FASTKD2: variants seen among roughly 807,000 people sequenced by gnomAD.
The protein encoded by FASTKD2 is FAST kinase domains 2, also known as FAST kinase domain-containing protein 2, mitochondrial.
A neutral mutation model predicts 63.6 loss-of-function variants in FASTKD2; 51 were observed. The observed-to-expected ratio is 0.80, with a 90% CI of 0.64 to 1.01. The LOEUF (loss-of-function observed/expected upper bound fraction) is 1.01, where lower values mean the gene tolerates loss of function less well. Ranked by LOEUF, FASTKD2 falls within the 50% of genes least tolerant of loss-of-function variation. FASTKD2 has a pLI of 0.00. For missense variants in FASTKD2, 786 were observed against 831.1 expected (o/e 0.95, Z 0.67); for synonymous variants, 284 against 293.4 (o/e 0.97, Z 0.33).
intron 7 of FASTKD2, among the ~76,000 whole-genome samples, chr2:206,777,103 G>A (rs531009165): frequency 3.2e-4 from 48 of 152,130 alleles, no homozygotes; most frequent in Admixed American, 7.9e-4. Context: ...TTTGTTATAA[G>A]TGTATAGGAA....
intron 7 of FASTKD2, among the ~76,000 whole-genome samples, chr2:206,781,827 C>CT (rs1491055679): frequency 2.6e-5 from 4 of 152,018 alleles, no homozygotes; most frequent in Non-Finnish European, 5.9e-5. Context: ...CCACTGACCC[C>CT]TTTTTTTCCT....
chr2:206,781,932 G>T (rs1044379817), intron 7 of FASTKD2, among the ~76,000 whole-genome samples: 2 of 152,072 alleles, frequency 1.3e-5, no homozygotes, highest in African/African-American at 2.4e-5. Context: ...CTCACCAAAA[G>T]GCTAGGATGT....
chr2:206,791,565 C>T (rs1690286399), intron 11 of FASTKD2, 118 bp from the exon 12 acceptor site: 2 of 879,538 alleles, frequency 2.3e-6, no homozygotes, highest in South Asian at 2.7e-5. Context: ...GTTATAAGGT[C>T]ACATTTGCTT....
rs148396867 is a variant in FASTKD2 at position 206,780,492 on chromosome 2, G to A, written c.1427+6095G>A. Among the ~76,000 whole-genome samples, 371 of 152,318 alleles carry A rather than the reference G, an allele frequency of 2.4e-3. 4 individuals carry two copies. Among genetic ancestry groups the A allele is most frequent in the African/African-American group, 8.4e-3 (351 of 41,576 alleles). On this transcript the variant is annotated intron_variant, in intron 7 of 11. Coordinates refer to ENST00000402774, the MANE Select transcript of FASTKD2 (RefSeq NM_001136193.2). ...GTCTGATGGGGGCTCCCTTGTACAT[G>A]AAAAGTTGCTTTTCATCCTTGTGGG...
In FASTKD2 at chr2:206,796,054, C is replaced by G. The variant is rs1260358288; in HGVS notation, c.*4252C>G. On this transcript the variant is annotated 3_prime_UTR_variant, in exon 12 of 12. Transcript: ENST00000402774. Reference sequence around the variant, plus strand: ...GCTTCTGTGCATGGCCAGAAACTAACAAAAGCACATTGTGTCTAAACTAGG... The same window carrying G: ...GCTTCTGTGCATGGCCAGAAACTAAGAAAAGCACATTGTGTCTAAACTAGG... Among the ~76,000 whole-genome samples the G allele has an allele frequency of 6.6e-6, 1 of 152,162 alleles. No homozygotes were observed. The highest frequency in any genetic ancestry group is 1.5e-5 in the Non-Finnish European group (1 of 68,036).
chr2:206,789,624 AC>A (rs1690230445), intron 10 of FASTKD2: 1 of 152,280 alleles, frequency 6.6e-6, no homozygotes, highest in South Asian at 2.1e-4. Flanking sequence ...ATAGAAACAT[AC>A]AAAAAAATCT....
chr2:206,769,794 T>C (rs1309333949), intron 2 of FASTKD2, among the ~76,000 whole-genome samples: 1 of 152,262 alleles, frequency 6.6e-6, no homozygotes. Flanking sequence ...AAATAATGTT[T>C]AATAAAAGTT....
intron 6 of FASTKD2, among the ~76,000 whole-genome samples, chr2:206,773,862 T>G (rs1432389935): frequency 1.3e-5 from 2 of 152,164 alleles, no homozygotes. Flanking sequence ...AGTTCAAGAT[T>G]GAGTTGGTCA....
At chr2:206,790,828 C>T (rs1690265907) in intron 11 of FASTKD2, 142 bp downstream of exon 11, 1 of 683,148 alleles carries the variant, frequency 1.5e-6, no homozygotes, top group Non-Finnish European at 2.7e-6. Flanking sequence ...TTACTGTTTT[C>T]TTTGAAAAAG....
At chr2:206,788,798 A>G (rs1192881165) in intron 9 of FASTKD2, 21 bp from the exon 10 acceptor site, 1 of 1,233,678 alleles carries the variant, frequency 8.1e-7, no homozygotes, top group East Asian at 2.3e-5. Context: ...TGAAAAATTA[A>G]TATCAATTCT....
At position 206,791,741 on chromosome 2, in the gene FASTKD2, CTA is replaced by C. The variant is rs772589047; in HGVS notation, c.2073_2074del (p.Lys692AsnfsTer21). ...GAAGATGCAGTCACATTTTTGAAGACTAAAATCTATTCAGTAGAAGCTCTTCC... is the reference window on the plus strand; with the variant it reads ...GAAGATGCAGTCACATTTTTGAAGACAAATCTATTCAGTAGAAGCTCTTCC... On this transcript the variant is annotated frameshift_variant, in exon 12 of 12. Transcript: ENST00000402774. LOFTEE classifies it low-confidence loss of function (END_TRUNC). 7.4e-6 allele frequency: 12 copies of C among 1,612,356 alleles called. No individual in the cohort carries two copies. Among genetic ancestry groups the C allele is most frequent in the East Asian group, 4.5e-5 (2 of 44,806 alleles).
chr2:206,773,406 T>G (rs757140740), intron 6 of FASTKD2, among the ~76,000 whole-genome samples: 4 of 152,142 alleles, frequency 2.6e-5, no homozygotes, highest in Non-Finnish European at 5.9e-5. Context: ...TTGTTAGATT[T>G]CAAATAATAA....
intron 2 of FASTKD2, among the ~76,000 whole-genome samples, chr2:206,767,805 G>C (rs1483439132): frequency 1.3e-5 from 2 of 152,210 alleles, no homozygotes; most frequent in Non-Finnish European, 2.9e-5. Flanking sequence ...AGAGAATTTA[G>C]TCCATGGTAG....
chr2:206,772,013 C>G lies in FASTKD2; in HGVS notation c.1110C>G (p.Val370=). 1.2e-6 allele frequency: 2 copies of G among 1,613,620 alleles called. No homozygotes were observed. Among genetic ancestry groups the G allele is most frequent in the Non-Finnish European group, 1.7e-6 (2 of 1,179,664 alleles). Residue 370 remains valine, a synonymous_variant, in exon 5 of 12, where the codon GTC becomes GTG. Coordinates refer to ENST00000402774, the MANE Select transcript of FASTKD2 (RefSeq NM_001136193.2). ...LILLDECSKV[V]LDNIHGCPLR... Reference sequence around the variant, plus strand: ...TCCTGGATGAATGCAGTAAGGTGGTCCTAGGTAAGAGGAATTTTTCTTTCA... The same window carrying G: ...TCCTGGATGAATGCAGTAAGGTGGTGCTAGGTAAGAGGAATTTTTCTTTCA...
chr2:206,787,623 C>T (rs1690169766), intron 8 of FASTKD2, among the ~76,000 whole-genome samples: 1 of 152,126 alleles, frequency 6.6e-6, no homozygotes. Flanking sequence ...CTAGTTCCAA[C>T]TTTGCCTTAA....
chr2:206,773,182 A>C (rs1689733471), intron 6 of FASTKD2, among the ~76,000 whole-genome samples: 1 of 151,930 alleles, frequency 6.6e-6, no homozygotes, highest in South Asian at 2.1e-4. Flanking sequence ...GGGCATGGTG[A>C]CGTGTCCCTG....
rs546021759 is a variant in FASTKD2, at chr2:206,765,635, T to G, written c.-163T>G. 1.4e-4 allele frequency: 96 copies of G among 695,548 alleles called. No individual in the cohort carries two copies. The African/African-American group carries it at 1.7e-3, about 13-fold the overall frequency. 43.1% of individuals were successfully genotyped at this position (695,548 alleles called of 1,614,324 possible). ...CTGTCATGGCTGCTCCTGTACGTAG[T>G]CACGGTCTTGTGCTCTAAGGTGAGT... On this transcript the variant is annotated 5_prime_UTR_variant, in exon 1 of 12. Coordinates refer to ENST00000402774, the MANE Select transcript of FASTKD2 (RefSeq NM_001136193.2).
intron 2 of FASTKD2, among the ~76,000 whole-genome samples, chr2:206,769,626 T>C (rs1358549775): frequency 3.3e-5 from 5 of 152,190 alleles, no homozygotes; most frequent in African/African-American, 1.2e-4. Context: ...AAGTTTCAGC[T>C]TGATACCCAG....
Position 206,794,123 on chromosome 2 carries a change from T to TACACAC in FASTKD2, c.*2331_*2336dup, listed in dbSNP as rs10655467. On this transcript the variant is annotated 3_prime_UTR_variant, in exon 12 of 12. Coordinates refer to ENST00000402774, the MANE Select transcript of FASTKD2 (RefSeq NM_001136193.2). The stretch of plus-strand genomic sequence containing the variant: ...ACCGTTAGGTCAGTTTTGACGTACA[T>TACACAC]ACACACACACACACATCTGTGAAAC... Among the ~76,000 whole-genome samples, 1 of 151,418 alleles carries TACACAC rather than the reference T, an allele frequency of 6.6e-6. No individual in the cohort carries two copies. The highest frequency in any genetic ancestry group is 2.4e-5 in the African/African-American group (1 of 41,256).
Sources: allele counts gnomAD v4.1 joint callset (sites outside exome capture counted in the v4.1 genomes callset), GRCh38; gene constraint gnomAD v4.1.1; transcripts MANE v1.5; gene names NCBI Gene and HGNC (gene_info 2026-07-23, HGNC 2026-07-21).